The following WWTR1 variants were observed in gnomAD, a reference collection of about 807,000 sequenced individuals.
WWTR1 encodes WW domain-containing transcription regulator protein 1.
WWTR1 carries 13 observed loss-of-function variants against 40.1 expected under a neutral mutation model. That is an observed-to-expected ratio of 0.32 (90% CI 0.21 to 0.52). The LOEUF is 0.52. WWTR1 is among the 20% of genes least tolerant of loss of function. The pLI is 0.97. For missense variants in WWTR1, 436 were observed against 523.1 expected (o/e 0.83, Z 1.63); for synonymous variants, 230 against 210.1 (o/e 1.09, Z -0.82).
intron 2 of WWTR1, among the ~76,000 whole-genome samples, chr3:149,649,655 G>A (rs774365883): frequency 6.6e-6 from 1 of 152,150 alleles, no homozygotes; most frequent in Non-Finnish European, 1.5e-5. Flanking sequence ...AGTGGCTCAC[G>A]CCTGTAATCC....
At chr3:149,645,006 C>T (rs1712406536) in intron 2 of WWTR1, among the ~76,000 whole-genome samples, 1 of 152,134 alleles carries the variant, frequency 6.6e-6, no homozygotes, top group South Asian at 2.1e-4. Context: ...GTACACGCCA[C>T]CATGCCCAAC....
chr3:149,540,233 C>A, intron 4 of WWTR1: 1 of 456,654 alleles, frequency 2.2e-6, no homozygotes, highest in Non-Finnish European at 4.4e-6. Flanking sequence ...CAGCACAACG[C>A]CCCACGTTCC....
intron 1 of WWTR1, among the ~76,000 whole-genome samples, chr3:149,692,733 A>C (rs995365055): frequency 6.6e-5 from 10 of 152,112 alleles, no homozygotes; most frequent in Admixed American, 5.9e-4. Flanking sequence ...TCTCAGGTTC[A>C]AGCGATTTTC....
At chr3:149,594,114 A>G (rs1237927922) in intron 2 of WWTR1, among the ~76,000 whole-genome samples, 1 of 152,162 alleles carries the variant, frequency 6.6e-6, no homozygotes, top group Non-Finnish European at 1.5e-5. Flanking sequence ...CAAAAATTCT[A>G]CTTCATTTCT....
At position 149,653,097 on chromosome 3, in the gene WWTR1, G is replaced by T. The variant is rs556738696; in HGVS notation, c.431+3779C>A. 8.5e-5 allele frequency among the ~76,000 whole-genome samples: 13 copies of T among 152,294 alleles called. No homozygotes were observed. The South Asian group carries it at 2.7e-3, about 32-fold the overall frequency. On this transcript the variant is annotated intron_variant, in intron 2 of 6. Coordinates refer to ENST00000360632, the MANE Select transcript of WWTR1 (RefSeq NM_015472.6). ...TTATAGTCTGAATTGTATTTAAGAG[G>T]AGGATAAAATCTTTTTTCTTATAAA...
chr3:149,550,840 G>A (rs908554601), intron 3 of WWTR1, among the ~76,000 whole-genome samples: 6 of 145,300 alleles, frequency 4.1e-5, no homozygotes, highest in Admixed American at 6.9e-5. Context: ...CTTAACTTCC[G>A]TATCAGTTTT....
intron 5 of WWTR1, among the ~76,000 whole-genome samples, chr3:149,708,981 T>C (rs2108229406): frequency 6.6e-6 from 1 of 152,118 alleles, no homozygotes; most frequent in Non-Finnish European, 1.5e-5. Flanking sequence ...ACTTATCTTT[T>C]TATTTGGTTT....
intron 3 of WWTR1, among the ~76,000 whole-genome samples, chr3:149,551,454 T>C (rs1317078501): frequency 2.1e-5 from 3 of 146,110 alleles, no homozygotes; most frequent in African/African-American, 7.8e-5. Flanking sequence ...AACAAGTGTT[T>C]AATTCAGTTT....
At chr3:149,684,660 G>C (rs117276022) in intron 1 of WWTR1, among the ~76,000 whole-genome samples, 3,214 of 152,080 alleles carry the variant, frequency 0.021, 66 homozygotes, top group South Asian at 0.092. Context: ...ACCTCCTGGG[G>C]TCAAGAAATC....
rs542775299 is a variant in WWTR1 at position 149,713,577 on chromosome 3, C to T, written n.584+3865G>A. ...TGTATTTTTAGTAGAGACAGAGTTT[C>T]GCCATGTTGGCCAGGCTGGTCTCGA... On this transcript the variant is annotated intron_variant and non_coding_transcript_variant, in intron 5 of 6. Coordinates refer to the WWTR1 transcript ENST00000474080. 2.1e-3 allele frequency among the ~76,000 whole-genome samples: 313 copies of T among 152,208 alleles called. 1 individual carries two copies. Among genetic ancestry groups the T allele is most frequent in the African/African-American group, 7.2e-3 (298 of 41,524 alleles).
intron 2 of WWTR1, among the ~76,000 whole-genome samples, chr3:149,574,125 G>A (rs1427261633): frequency 6.6e-6 from 1 of 151,910 alleles, no homozygotes; most frequent in Non-Finnish European, 1.5e-5. Context: ...CGACATCCTG[G>A]GCTGAAGCAA....
intron 4 of WWTR1, among the ~76,000 whole-genome samples, chr3:149,535,087 C>A (rs1735761932): frequency 6.6e-6 from 1 of 152,128 alleles, no homozygotes; most frequent in African/African-American, 2.4e-5. Context: ...CCTGCCCTCA[C>A]CAGAATGCAC....
chr3:149,565,729 C>T (rs1737287664), intron 3 of WWTR1, among the ~76,000 whole-genome samples: 1 of 150,874 alleles, frequency 6.6e-6, no homozygotes, highest in South Asian at 2.1e-4. Flanking sequence ...CTGACCAACA[C>T]AGAGAAACCC....
chr3:149,547,944 TCA>T (rs150391375), intron 3 of WWTR1, among the ~76,000 whole-genome samples: 40 of 144,854 alleles, frequency 2.8e-4, no homozygotes, highest in Middle Eastern at 3.5e-3. Flanking sequence ...AAGGAAAAAA[TCA>T]CACACACACA....
intron 2 of WWTR1, among the ~76,000 whole-genome samples, chr3:149,644,554 T>C (rs1712375062): frequency 6.6e-6 from 1 of 152,192 alleles, no homozygotes. Flanking sequence ...CTTTTCACCC[T>C]GAGACATCCC....
chr3:149,546,890 T>C, intron 3 of WWTR1, among the ~76,000 whole-genome samples: 1 of 152,162 alleles, frequency 6.6e-6, no homozygotes, highest in Non-Finnish European at 1.5e-5. Context: ...GTGAATTTTA[T>C]CAAGGTCATA....
At chr3:149,646,089 G>GAGGTTCAGATTA (rs1712511783) in intron 2 of WWTR1, among the ~76,000 whole-genome samples, 1 of 152,182 alleles carries the variant, frequency 6.6e-6, no homozygotes, top group African/African-American at 2.4e-5. Flanking sequence ...TGATTATTAA[G>GAGGTTCAGATTA]TTAATGAAAG....
chr3:149,653,457 G>C (rs925390706), intron 2 of WWTR1, among the ~76,000 whole-genome samples: 1 of 152,166 alleles, frequency 6.6e-6, no homozygotes, highest in African/African-American at 2.4e-5. Flanking sequence ...TTTTTATTTA[G>C]AGATGGGGTG....
chr3:149,559,968 G>T (rs149914968), intron 3 of WWTR1, among the ~76,000 whole-genome samples: 3 of 152,316 alleles, frequency 2.0e-5, no homozygotes, highest in Admixed American at 6.5e-5. Flanking sequence ...CTGGATAGCT[G>T]CCCCTGAGGA....
Sources: allele counts gnomAD v4.1 joint callset (sites outside exome capture counted in the v4.1 genomes callset), GRCh38; gene constraint gnomAD v4.1.1; transcripts MANE v1.5; gene names NCBI Gene and HGNC (gene_info 2026-07-23, HGNC 2026-07-21).